RBFOX1: variants seen among roughly 807,000 people sequenced by gnomAD.
The protein encoded by RBFOX1 is RNA binding fox-1 homolog 1, also known as RNA binding protein fox-1 homolog 1.
A neutral mutation model predicts 57.7 loss-of-function variants in RBFOX1; 8 were observed. The ratio of observed to expected loss-of-function variants is 0.14; its 90% CI spans 0.08 to 0.25. RBFOX1 has a LOEUF of 0.25. Ranked by LOEUF, RBFOX1 falls within the 10% of genes least tolerant of loss-of-function variation. RBFOX1 has a pLI of 1.00. For missense variants in RBFOX1, 611 were observed against 548.5 expected (o/e 1.11, Z -1.14); for synonymous variants, 326 against 222.4 (o/e 1.47, Z -4.15).
chr16:6,868,697 C>A (rs915533623), intron 3 of RBFOX1, among the ~76,000 whole-genome samples: 1 of 152,170 alleles, frequency 6.6e-6, no homozygotes, highest in Non-Finnish European at 1.5e-5. Context: ...GTCAGAACTT[C>A]TGATCTCAGG....
In RBFOX1 at chr16:6,873,387, T is replaced by C. The variant is rs118032850; in HGVS notation, c.-15-178670T>C. Among the ~76,000 whole-genome samples the C allele has an allele frequency of 9.7e-3, 1,474 of 152,292 alleles. 15 individuals are homozygous for C. Among genetic ancestry groups the C allele is most frequent in the Non-Finnish European group, 0.016 (1,119 of 68,018 alleles). On this transcript the variant is annotated intron_variant, in intron 3 of 15. Transcript: ENST00000550418. ...CTTTAATTTAGGTCTTTGAGTTATG[T>C]AAGCAGAATGCAATTAAAGAAGAAG...
At chr16:6,752,929 A>G (rs111351887) in intron 3 of RBFOX1, among the ~76,000 whole-genome samples, 2,183 of 152,018 alleles carry the variant, frequency 0.014, 27 homozygotes, top group Middle Eastern at 0.027. Flanking sequence ...ATATGTTTAT[A>G]CGGTGTGAAT....
intron 4 of RBFOX1, among the ~76,000 whole-genome samples, chr16:5,955,690 A>T (rs1044469422): frequency 1.1e-4 from 16 of 152,204 alleles, no homozygotes; most frequent in Non-Finnish European, 1.5e-5. Context: ...AGATTTTAAA[A>T]TTCTTCTGGA....
At chr16:5,980,631 G>T (rs543437776) in intron 4 of RBFOX1, among the ~76,000 whole-genome samples, 1 of 152,216 alleles carries the variant, frequency 6.6e-6, no homozygotes, top group African/African-American at 2.4e-5. Context: ...GGGGATTTGT[G>T]ATAATTTTAG....
intron 1 of RBFOX1, among the ~76,000 whole-genome samples, chr16:5,414,068 C>T (rs1005128166): frequency 6.6e-6 from 1 of 152,172 alleles, no homozygotes; most frequent in Non-Finnish European, 1.5e-5. Flanking sequence ...GTGGCCTCTT[C>T]TTTGGGGCTG....
At chr16:7,513,476 G>A (rs900715704) in intron 4 of RBFOX1, among the ~76,000 whole-genome samples, 2 of 152,168 alleles carry the variant, frequency 1.3e-5, no homozygotes, top group Admixed American at 6.5e-5. Flanking sequence ...TGCATTGCAT[G>A]AAAAGTAGGG....
At chr16:6,039,347 G>GAAAAAAA (rs58081772) in intron 1 of RBFOX1, among the ~76,000 whole-genome samples, 2 of 136,302 alleles carry the variant, frequency 1.5e-5, no homozygotes, top group Non-Finnish European at 3.1e-5. Context: ...CTGCTTTCTG[G>GAAAAAAA]AAAAAAAAAA....
intron 3 of RBFOX1, among the ~76,000 whole-genome samples, chr16:5,750,936 T>G (rs1031054059): frequency 1.3e-5 from 2 of 152,214 alleles, no homozygotes; most frequent in East Asian, 3.9e-4. Flanking sequence ...AGAAATTACC[T>G]GTCTTCTGCG....
rs78992359 is a variant in RBFOX1 at position 5,621,506 on chromosome 16, C to T, written c.318+22545C>T. 6.8e-3 allele frequency among the ~76,000 whole-genome samples: 1,041 copies of T among 152,170 alleles called. 20 individuals are homozygous for T. Among genetic ancestry groups the T allele is most frequent in the African/African-American group, 0.024 (1,009 of 41,506 alleles). ...TTGATGATGGTTGACCTATCAACCA[C>T]GGATGAATTGAGGAAATGGAGGGAG... On this transcript the variant is annotated intron_variant, in intron 3 of 19. Coordinates refer to the RBFOX1 transcript ENST00000641259.
At chr16:7,358,406 G>T (rs562481733) in intron 4 of RBFOX1, among the ~76,000 whole-genome samples, 19 of 151,982 alleles carry the variant, frequency 1.3e-4, no homozygotes, top group African/African-American at 3.9e-4. Context: ...AAGTATTTTT[G>T]TGTTTTTTGT....
At chr16:6,618,098 C>T (rs2098169926) in intron 2 of RBFOX1, among the ~76,000 whole-genome samples, 1 of 152,062 alleles carries the variant, frequency 6.6e-6, no homozygotes, top group Non-Finnish European at 1.5e-5. Flanking sequence ...GGAATCCCAT[C>T]CCCTTTCTTC....
intron 2 of RBFOX1, among the ~76,000 whole-genome samples, chr16:5,582,199 C>T (rs1287227360): frequency 6.6e-6 from 1 of 152,172 alleles, no homozygotes; most frequent in Non-Finnish European, 1.5e-5. Flanking sequence ...TGAGGTTGCA[C>T]CACAGGAAGT....
At chr16:6,260,388 C>T (rs890787623) in intron 1 of RBFOX1, among the ~76,000 whole-genome samples, 2 of 152,152 alleles carry the variant, frequency 1.3e-5, no homozygotes, top group East Asian at 3.9e-4. Flanking sequence ...ATGGATGACC[C>T]CAAAATGTTG....
chr16:6,088,947 T>G (rs1369748864), intron 1 of RBFOX1, among the ~76,000 whole-genome samples: 6 of 151,630 alleles, frequency 4.0e-5, no homozygotes, highest in African/African-American at 1.5e-4. Flanking sequence ...ATACAAAAAA[T>G]TAGCTGGGTG....
chr16:7,320,141 G>A (rs115625223), intron 4 of RBFOX1, among the ~76,000 whole-genome samples: 4 of 152,182 alleles, frequency 2.6e-5, no homozygotes, highest in South Asian at 2.1e-4. Context: ...AGGTAAACGT[G>A]TGCCATGGTG....
At chr16:5,917,940 C>T (rs1476052353) in intron 4 of RBFOX1, among the ~76,000 whole-genome samples, 1 of 152,124 alleles carries the variant, frequency 6.6e-6, no homozygotes, top group African/African-American at 2.4e-5. Context: ...GATCCTCTCT[C>T]TCCCACACGG....
intron 3 of RBFOX1, among the ~76,000 whole-genome samples, chr16:5,847,427 C>G (rs549034250): frequency 6.6e-6 from 1 of 151,866 alleles, no homozygotes; most frequent in South Asian, 2.1e-4. Context: ...AATGTGTGCA[C>G]AGATGTTACA....
intron 4 of RBFOX1, among the ~76,000 whole-genome samples, chr16:7,280,467 G>C (rs12925090): frequency 0.12 from 18,917 of 152,216 alleles, 1,510 homozygotes; most frequent in Middle Eastern, 0.21. Flanking sequence ...TAAGGTGTTG[G>C]TAGATAAGAG....
chr16:6,690,529 C>T (rs1297607436), intron 3 of RBFOX1, among the ~76,000 whole-genome samples: 2 of 146,596 alleles, frequency 1.4e-5, no homozygotes, highest in Non-Finnish European at 3.0e-5. Context: ...AAGTAAAAGG[C>T]AAACAAAACC....
Sources: allele counts gnomAD v4.1 joint callset (sites outside exome capture counted in the v4.1 genomes callset), GRCh38; gene constraint gnomAD v4.1.1; transcripts MANE v1.5; gene names NCBI Gene and HGNC (gene_info 2026-07-23, HGNC 2026-07-21).